Variants in GRIK3 observed in about 807,000 individuals in gnomAD.
The protein encoded by GRIK3 is glutamate ionotropic receptor kainate type subunit 3.
Under a neutral mutation model 102.5 loss-of-function variants are expected in GRIK3, and 29 were observed. The ratio of observed to expected loss-of-function variants is 0.28; its 90% CI spans 0.21 to 0.39. GRIK3 has a LOEUF of 0.39. Ranked by LOEUF, GRIK3 falls within the 10% of genes least tolerant of loss-of-function variation. The pLI is 1.00. For synonymous variants in GRIK3, 511 were observed against 504.9 expected (o/e 1.01, Z -0.16); for missense variants, 908 against 1,252.4 (o/e 0.73, Z 4.15).
intron 1 of GRIK3, among the ~76,000 whole-genome samples, chr1:36,973,681 G>A (rs1422655385): frequency 6.6e-6 from 1 of 150,968 alleles, no homozygotes; most frequent in Non-Finnish European, 1.5e-5. Flanking sequence ...CACCTACCTT[G>A]GCCTCCCAAA....
intron 10 of GRIK3, among the ~76,000 whole-genome samples, chr1:36,839,138 C>A (rs1640417713): frequency 6.6e-6 from 1 of 152,190 alleles, no homozygotes; most frequent in South Asian, 2.1e-4. Flanking sequence ...GCCCTGCTCA[C>A]CTCCGCACCC....
At chr1:36,967,920 G>T (rs1642097152) in intron 1 of GRIK3, among the ~76,000 whole-genome samples, 1 of 152,196 alleles carries the variant, frequency 6.6e-6, no homozygotes, top group South Asian at 2.1e-4. Flanking sequence ...GACATACTTT[G>T]CCCAGTAAGC....
intron 1 of GRIK3, among the ~76,000 whole-genome samples, chr1:37,006,827 G>A (rs1196485898): frequency 2.0e-5 from 3 of 152,198 alleles, no homozygotes; most frequent in Non-Finnish European, 2.9e-5. Flanking sequence ...TAGGAGGGGG[G>A]TACAATTATT....
intron 1 of GRIK3, among the ~76,000 whole-genome samples, chr1:36,922,306 G>A (rs3767071): frequency 0.016 from 2,486 of 152,306 alleles, 65 homozygotes; most frequent in East Asian, 0.1. Flanking sequence ...AAGCCACAAT[G>A]TAGGGGAGGT....
At chr1:36,879,437 G>A (rs545840315) in intron 3 of GRIK3, among the ~76,000 whole-genome samples, 7 of 152,320 alleles carry the variant, frequency 4.6e-5, no homozygotes, top group African/African-American at 1.7e-4. Context: ...AGGTGATAGT[G>A]AGCTGTGGTG....
Position 36,799,436 on chromosome 1 carries a change from ACT to A in GRIK3, c.*2413_*2414del, listed in dbSNP as rs1336217685. On this transcript the variant is annotated 3_prime_UTR_variant, in exon 16 of 16. Transcript: ENST00000373091. ...AGCATGCATTGACCCATGTCACACG[ACT>A]CTCTGGTCCTGGCCTTCCCCCCGCT... The A allele has an allele frequency of 6.6e-6, 1 of 152,024 alleles. No individual in the cohort carries two copies. The highest frequency in any genetic ancestry group is 1.5e-5 in the Non-Finnish European group (1 of 68,162). 9.4% of individuals were successfully genotyped at this position (152,024 alleles called of 1,614,324 possible).
chr1:36,966,122 A>G (rs1392793873), intron 1 of GRIK3, among the ~76,000 whole-genome samples: 1 of 152,230 alleles, frequency 6.6e-6, no homozygotes, highest in South Asian at 2.1e-4. Flanking sequence ...CATGCTAGCC[A>G]GGAAAGGGTG....
At chr1:36,931,334 G>A (rs1332927909) in intron 1 of GRIK3, among the ~76,000 whole-genome samples, 2 of 152,126 alleles carry the variant, frequency 1.3e-5, no homozygotes, top group Admixed American at 1.3e-4. Flanking sequence ...AGGCACAAAT[G>A]GGTCCTCATC....
Position 36,872,497 on chromosome 1 carries a change from G to A in GRIK3, c.551-128C>T. 3 of 686,596 alleles carry A rather than the reference G, an allele frequency of 4.4e-6. No individual in the cohort carries two copies. The highest frequency in any genetic ancestry group is 4.7e-6 in the Non-Finnish European group (2 of 423,620). 42.5% of individuals were successfully genotyped at this position (686,596 alleles called of 1,614,324 possible). ...TCTGCAGACATACACGGGCAGAAAC[G>A]TGGCCCACAGAGACTTGTGCACGTG... On this transcript the variant is annotated intron_variant, in intron 3 of 15. Transcript: ENST00000373091. The surrounding 1 kb of genome is among the most constrained non-coding windows in gnomAD (Gnocchi z 5.9).
At position 37,034,182 on chromosome 1, in the gene GRIK3, G is replaced by A. The variant is rs867558684; in HGVS notation, c.-74C>T. ...TGGGGCGGCAGCTCTAGGCGCGGGCGCGCAGCAGCCCCGAAGGCGCCGCCT... is the reference window on the plus strand; with the variant it reads ...TGGGGCGGCAGCTCTAGGCGCGGGCACGCAGCAGCCCCGAAGGCGCCGCCT... On this transcript the variant is annotated 5_prime_UTR_variant, in exon 1 of 16. Transcript: ENST00000373091. 68 of 525,370 alleles carry A rather than the reference G, an allele frequency of 1.3e-4. 2 individuals carry two copies. The Middle Eastern group carries it at 4.0e-3, about 31-fold the overall frequency. 32.5% of individuals were successfully genotyped at this position (525,370 alleles called of 1,614,324 possible).
chr1:36,948,378 A>G (rs1641807219), intron 1 of GRIK3, among the ~76,000 whole-genome samples: 2 of 152,178 alleles, frequency 1.3e-5, no homozygotes, highest in Admixed American at 1.3e-4. Context: ...CTGTGTGCTG[A>G]TCTGAGTTGG....
intron 8 of GRIK3, among the ~76,000 whole-genome samples, chr1:36,851,705 C>T (rs534647067): frequency 2.6e-5 from 4 of 152,364 alleles, no homozygotes; most frequent in African/African-American, 7.2e-5. Flanking sequence ...GGCTGTGACC[C>T]GGTGCCTTGG....
At chr1:36,886,430 A>G (rs1366566718) in intron 2 of GRIK3, among the ~76,000 whole-genome samples, 5 of 152,236 alleles carry the variant, frequency 3.3e-5, no homozygotes, top group Non-Finnish European at 2.9e-5. Context: ...GCCTCAGGAG[A>G]ATGCTGTTTA....
intron 13 of GRIK3, among the ~76,000 whole-genome samples, chr1:36,807,631 C>T (rs1195800070): frequency 6.6e-6 from 1 of 152,096 alleles, no homozygotes; most frequent in East Asian, 1.9e-4. Context: ...TTTCTATTCT[C>T]CAGGTGCTTC....
At chr1:36,828,460 A>G (rs184087165) in intron 10 of GRIK3, among the ~76,000 whole-genome samples, 111 of 152,356 alleles carry the variant, frequency 7.3e-4, no homozygotes, top group African/African-American at 2.5e-3. Context: ...GCATACACAA[A>G]TGCCTACAGT....
chr1:36,869,936 A>G, intron 4 of GRIK3, 135 bp from the exon 5 acceptor site: 2 of 685,528 alleles, frequency 2.9e-6, no homozygotes, highest in Non-Finnish European at 5.3e-6. Context: ...GTCCTCTGAG[A>G]CCACCTCTGA....
rs367770109 is a variant in GRIK3, at chr1:36,924,359, A to G, written c.116-33263T>C. On this transcript the variant is annotated intron_variant, in intron 1 of 15. Transcript: ENST00000373091. ...ACGAAAGCAGGGCCTGGTGCTGTGC[A>G]ATTTTGGCATCCTCCGCCCCGCCTC... 1.1e-3 allele frequency among the ~76,000 whole-genome samples: 168 copies of G among 152,260 alleles called. 1 individual carries two copies. Among genetic ancestry groups the G allele is most frequent in the African/African-American group, 3.7e-3 (152 of 41,538 alleles).
intron 1 of GRIK3, among the ~76,000 whole-genome samples, chr1:36,917,061 C>T (rs772843465): frequency 1.3e-5 from 2 of 152,210 alleles, no homozygotes; most frequent in African/African-American, 2.4e-5. Context: ...TGCCAACGAC[C>T]ATGGGAACTT....
At chr1:36,912,278 C>T (rs1440561092) in intron 1 of GRIK3, among the ~76,000 whole-genome samples, 1 of 152,162 alleles carries the variant, frequency 6.6e-6, no homozygotes, top group African/African-American at 2.4e-5. Flanking sequence ...TACTCTCTGG[C>T]AAAGGCGCGG....
Sources: gnomAD v4.1 joint callset for allele counts (sites outside exome capture counted in the v4.1 genomes callset) on GRCh38, gnomAD v4.1.1 for gene constraint, Gnocchi (gnomAD v3.1) non-coding constraint, MANE v1.5 for transcripts, NCBI Gene and HGNC (gene_info 2026-07-23, HGNC 2026-07-21) for gene names.